THSD7B: variants seen among roughly 807,000 people sequenced by gnomAD.
THSD7B encodes thrombospondin type 1 domain containing 7B.
In THSD7B, 138 loss-of-function variants were observed where a neutral mutation model predicts 213.6. That is an observed-to-expected ratio of 0.65 (90% CI 0.56 to 0.74). The LOEUF (loss-of-function observed/expected upper bound fraction) is 0.74, where lower values mean the gene tolerates loss of function less well. Ranked by LOEUF, THSD7B falls within the 30% of genes least tolerant of loss-of-function variation. The pLI, the probability that THSD7B is intolerant of heterozygous loss-of-function variation, is 0.00. For synonymous variants in THSD7B, 742 were observed against 687.0 expected (o/e 1.08, Z -1.25); for missense variants, 1,931 against 1,991.5 (o/e 0.97, Z 0.58).
chr2:137,518,985 C>T (rs763967443), intron 15 of THSD7B, among the ~76,000 whole-genome samples: 3 of 152,164 alleles, frequency 2.0e-5, no homozygotes, highest in Non-Finnish European at 2.9e-5. Context: ...CGGTGGCTCA[C>T]GCCTGTAATC....
intron 7 of THSD7B, among the ~76,000 whole-genome samples, chr2:137,203,921 A>C (rs1440042084): frequency 6.6e-6 from 1 of 152,102 alleles, no homozygotes; most frequent in African/African-American, 2.4e-5. Flanking sequence ...CCCTCTCCTC[A>C]CAACCTTTTC....
intron 2 of THSD7B, among the ~76,000 whole-genome samples, chr2:136,941,018 A>G (rs992593427): frequency 1.3e-5 from 2 of 151,666 alleles, no homozygotes; most frequent in Admixed American, 1.3e-4. Context: ...CCCCCACCCC[A>G]TGACAGGCCC....
chr2:136,866,302 G>A (rs184107218), intron 1 of THSD7B, among the ~76,000 whole-genome samples: 6 of 151,968 alleles, frequency 3.9e-5, no homozygotes, highest in South Asian at 2.1e-4. Context: ...CTTTATTCCC[G>A]CAGACATCTT....
At chr2:137,540,587 G>A (rs528906724) in intron 15 of THSD7B, among the ~76,000 whole-genome samples, 17 of 151,768 alleles carry the variant, frequency 1.1e-4, no homozygotes, top group African/African-American at 3.9e-4. Flanking sequence ...AATTGTCATT[G>A]TTTGAACTGT....
intron 2 of THSD7B, among the ~76,000 whole-genome samples, chr2:137,041,549 A>T (rs987803980): frequency 2.0e-5 from 3 of 150,790 alleles, no homozygotes; most frequent in African/African-American, 7.3e-5. Context: ...CATATATATA[A>T]AATACATAAC....
intron 1 of THSD7B, among the ~76,000 whole-genome samples, chr2:136,819,750 A>AG (rs2104937062): frequency 6.6e-6 from 1 of 152,170 alleles, no homozygotes; most frequent in East Asian, 1.9e-4. Context: ...ATATTGGCCA[A>AG]TGCATTTCCT....
intron 2 of THSD7B, among the ~76,000 whole-genome samples, chr2:136,913,784 G>A (rs1297967508): frequency 6.6e-6 from 1 of 152,258 alleles, no homozygotes; most frequent in Admixed American, 6.5e-5. Flanking sequence ...GGAGATGTAT[G>A]GAAACACCTG....
In THSD7B at chr2:137,411,660, T is replaced by C. The variant is rs769449816; in HGVS notation, c.2747T>C (p.Val916Ala). The C allele has an allele frequency of 1.4e-5, 22 of 1,613,846 alleles. No individual in the cohort carries two copies. In the Middle Eastern group the frequency reaches 4.9e-4, roughly 36 times the overall value. Reference sequence around the variant, plus strand: ...CAGGATTCTGACCTTTACCCTCTAGTGGAGACAGAACTATGTCCTTGTGAT... The same window carrying C: ...CAGGATTCTGACCTTTACCCTCTAGCGGAGACAGAACTATGTCCTTGTGAT... ...KCQDSDLYPL[V>A]ETELCPCDEF... is the part of the protein sequence containing the mutation. The change falls in exon 14 of 28, where the codon GTG becomes GCG. Residue 916 changes from valine (V) to alanine (A), a missense_variant. Val to Ala is a moderately conservative substitution (Grantham distance 64). Coordinates refer to ENST00000409968, the MANE Select transcript of THSD7B (RefSeq NM_001316349.2).
chr2:137,440,963 G>C (rs1400399788), intron 14 of THSD7B, among the ~76,000 whole-genome samples: 1 of 152,054 alleles, frequency 6.6e-6, no homozygotes, highest in Non-Finnish European at 1.5e-5. Context: ...CATTGTATCA[G>C]ACCTGTCTTC....
intron 15 of THSD7B, among the ~76,000 whole-genome samples, chr2:137,465,277 A>T (rs1687970384): frequency 6.6e-6 from 1 of 152,072 alleles, no homozygotes; most frequent in Admixed American, 6.6e-5. Flanking sequence ...ACCTGGCTGA[A>T]CATAACTAAG....
chr2:137,655,581 A>G lies in THSD7B; in HGVS notation c.4026A>G (p.Gly1342=). 1 of 1,612,878 alleles carries G rather than the reference A, an allele frequency of 6.2e-7. No individual in the cohort carries two copies. Among genetic ancestry groups the G allele is most frequent in the South Asian group, 1.1e-5 (1 of 90,684 alleles). ...GTGGTTCAATATCTCATGCAGCTGGACGTGTCGAGGATGCACTGTGTGGAG... is the reference window on the plus strand; with the variant it reads ...GTGGTTCAATATCTCATGCAGCTGGGCGTGTCGAGGATGCACTGTGTGGAG... ...VHSGSISHAA[G]RVEDALCGEM... Residue 1342 remains glycine, a synonymous_variant, in exon 22 of 28, where the codon GGA becomes GGG. Transcript: ENST00000409968.
chr2:137,372,872 A>G (rs1685562633), intron 12 of THSD7B, among the ~76,000 whole-genome samples: 1 of 112,190 alleles, frequency 8.9e-6, no homozygotes, highest in African/African-American at 3.5e-5. Flanking sequence ...AACAGTCCCC[A>G]GAGTGTGATG....
At chr2:137,663,683 A>C (rs1356164303) in intron 26 of THSD7B, 108 bp downstream of exon 26, 2 of 981,100 alleles carry the variant, frequency 2.0e-6, no homozygotes, top group Non-Finnish European at 3.0e-6. Context: ...AGAGGAGAGA[A>C]GAAAGAGGCA....
intron 5 of THSD7B, among the ~76,000 whole-genome samples, chr2:137,154,879 C>A (rs1679885472): frequency 6.6e-6 from 1 of 152,060 alleles, no homozygotes; most frequent in Non-Finnish European, 1.5e-5. Context: ...TAACATTAAA[C>A]ATATCCCCTA....
chr2:137,169,465 C>T (rs1162224956), intron 6 of THSD7B, among the ~76,000 whole-genome samples: 1 of 151,966 alleles, frequency 6.6e-6, no homozygotes, highest in Non-Finnish European at 1.5e-5. Flanking sequence ...TGTTACCTCT[C>T]ATGCTCCCTA....
intron 2 of THSD7B, among the ~76,000 whole-genome samples, chr2:136,886,737 G>T (rs2104995838): frequency 6.6e-6 from 1 of 152,340 alleles, no homozygotes; most frequent in Admixed American, 6.5e-5. Flanking sequence ...TACTGACTTT[G>T]CCCTGAACAA....
chr2:137,194,995 G>A (rs1012251525), intron 7 of THSD7B, among the ~76,000 whole-genome samples: 2 of 151,958 alleles, frequency 1.3e-5, no homozygotes, highest in Non-Finnish European at 2.9e-5. Context: ...CCTAATCTTA[G>A]TGAAGCCACC....
chr2:136,896,805 T>C (rs868574955), intron 2 of THSD7B, among the ~76,000 whole-genome samples: 2 of 152,282 alleles, frequency 1.3e-5, no homozygotes, highest in Admixed American at 1.3e-4. Context: ...CTATGGAAAT[T>C]CTTCATTGAA....
chr2:137,366,989 G>T (rs1362014818), intron 12 of THSD7B, among the ~76,000 whole-genome samples: 1 of 152,034 alleles, frequency 6.6e-6, no homozygotes, highest in East Asian at 1.9e-4. Context: ...CTTCCAAAGT[G>T]ATGATATTAC....
Sources: allele counts gnomAD v4.1 joint callset (sites outside exome capture counted in the v4.1 genomes callset), GRCh38; gene constraint gnomAD v4.1.1; transcripts MANE v1.5; gene names NCBI Gene and HGNC (gene_info 2026-07-23, HGNC 2026-07-21).